The following PCDH15 variants were observed in gnomAD, a reference collection of about 807,000 sequenced individuals.
The protein encoded by PCDH15 is protocadherin related 15, also known as protocadherin-15.
Under a neutral mutation model 178.5 loss-of-function variants are expected in PCDH15, and 129 were observed. The ratio of observed to expected loss-of-function variants is 0.72; its 90% CI spans 0.63 to 0.84. The LOEUF is 0.84. PCDH15 is among the 40% of genes least tolerant of loss of function. PCDH15 has a pLI of 0.00. For synonymous variants in PCDH15, 800 were observed against 732.0 expected, an observed-to-expected ratio of 1.09 and a Z score of -1.50; for missense variants, 2,230 against 2,099.9, an observed-to-expected ratio of 1.06 and a Z score of -1.21.
At chr10:54,314,396 T>C (rs1293539753) in intron 8 of PCDH15, among the ~76,000 whole-genome samples, 1 of 152,034 alleles carries the variant, frequency 6.6e-6, no homozygotes, top group Non-Finnish European at 1.5e-5. Flanking sequence ...CTTGTAGAAA[T>C]TTTAAAAGAT....
At chr10:54,665,849 A>G (rs2094562538) in intron 1 of PCDH15, among the ~76,000 whole-genome samples, 1 of 152,058 alleles carries the variant, frequency 6.6e-6, no homozygotes, top group Non-Finnish European at 1.5e-5. Context: ...AGAGCTCATT[A>G]TTAGATGCCA....
At position 53,990,731 on chromosome 10, in the gene PCDH15, C is replaced by T. The variant is rs372634701; in HGVS notation, c.2868+4918G>A. On this transcript the variant is annotated intron_variant, in intron 21 of 37. Coordinates refer to ENST00000644397, the MANE Select transcript of PCDH15 (RefSeq NM_001384140.1). ...GCCACACTTGAGGAGCCCCTTCAGC[C>T]CACCGCTGCACTGTGGGAGCCCCTC... Among the ~76,000 whole-genome samples the T allele has an allele frequency of 7.9e-5, 12 of 152,150 alleles. No individual in the cohort carries two copies. In the East Asian group the frequency reaches 2.1e-3, roughly 27 times the overall value.
At chr10:55,592,985 T>C (rs1306461424) in intron 2 of PCDH15, among the ~76,000 whole-genome samples, 3 of 152,078 alleles carry the variant, frequency 2.0e-5, no homozygotes, top group Non-Finnish European at 2.9e-5. Context: ...AAGTGTATTC[T>C]AAAGAAATAA....
chr10:54,726,854 G>GA (rs905124202), intron 1 of PCDH15, among the ~76,000 whole-genome samples: 247 of 144,042 alleles, frequency 1.7e-3, no homozygotes, highest in Admixed American at 2.5e-3. Flanking sequence ...TTAAAAAGAA[G>GA]AAAAAAAAAA....
At position 55,526,230 on chromosome 10, in the gene PCDH15, C is replaced by G. The variant is rs533101771; in HGVS notation, c.-156+101395G>C. ...TAAGCATTGACTTATAATAGATAAT[C>G]AACACAATTCTATTTTTTTCATTTC... is the stretch of plus-strand genomic sequence containing the variant. On this transcript the variant is annotated intron_variant, in intron 2 of 5. Coordinates refer to the PCDH15 transcript ENST00000613346. Among the ~76,000 whole-genome samples, 7 of 151,932 alleles carry G rather than the reference C, an allele frequency of 4.6e-5. No homozygotes were observed. In the South Asian group the frequency reaches 1.5e-3, roughly 32 times the overall value.
intron 2 of PCDH15, among the ~76,000 whole-genome samples, chr10:54,909,785 C>A (rs1954788468): frequency 6.6e-6 from 1 of 152,082 alleles, no homozygotes; most frequent in Admixed American, 6.6e-5. Context: ...TGGAGCGCAG[C>A]ACCACCTCGG....
chr10:54,744,596 G>A (rs1331857481), intron 1 of PCDH15, among the ~76,000 whole-genome samples: 1 of 151,930 alleles, frequency 6.6e-6, no homozygotes, highest in Non-Finnish European at 1.5e-5. Flanking sequence ...TTAGAGTATC[G>A]CTGAAATCTG....
chr10:55,021,444 T>C (rs1201909331), intron 2 of PCDH15, among the ~76,000 whole-genome samples: 1 of 152,160 alleles, frequency 6.6e-6, no homozygotes, highest in Non-Finnish European at 1.5e-5. Context: ...GAGGAGCAAG[T>C]CACTATGGTA....
intron 8 of PCDH15, among the ~76,000 whole-genome samples, chr10:54,249,457 T>C (rs1047043707): frequency 3.9e-5 from 6 of 152,212 alleles, no homozygotes; most frequent in Non-Finnish European, 7.4e-5. Context: ...ACTAGCATAA[T>C]TTACTTGATA....
At chr10:54,555,560 T>C (rs1467324022) in intron 2 of PCDH15, among the ~76,000 whole-genome samples, 6 of 137,350 alleles carry the variant, frequency 4.4e-5, no homozygotes, top group Non-Finnish European at 7.9e-5. Context: ...TGAAACCCCC[T>C]CTCTACTAAA....
chr10:54,538,061 G>A (rs1007563967), intron 2 of PCDH15, among the ~76,000 whole-genome samples: 1 of 152,112 alleles, frequency 6.6e-6, no homozygotes, highest in African/African-American at 2.4e-5. Flanking sequence ...CCATTGTGTA[G>A]GTTGTATTTT....
At chr10:54,493,678 G>A (rs573206079) in intron 3 of PCDH15, among the ~76,000 whole-genome samples, 105 of 151,912 alleles carry the variant, frequency 6.9e-4, no homozygotes, top group African/African-American at 2.0e-3. Flanking sequence ...AGTCAGTGTG[G>A]CGATTCCTCA....
chr10:54,346,374 T>A lies in PCDH15; in HGVS notation c.585A>T (p.Pro195=). 2 of 1,613,140 alleles carry A rather than the reference T, an allele frequency of 1.2e-6. No homozygotes were observed. The highest frequency in any genetic ancestry group is 1.1e-5 in the South Asian group (1 of 91,056). The part of the protein sequence containing the change: ...GQIEYVIQYN[P]DDPTSNDTFE... ...ATAGGTATTTACATACCGGATCATCTGGATTATACTGAATAACATACTCTA... is the reference window on the plus strand; with the variant it reads ...ATAGGTATTTACATACCGGATCATCAGGATTATACTGAATAACATACTCTA... The change falls in exon 6 of 38, where the codon CCA becomes CCT. Residue 195 remains proline (P), a synonymous_variant. Transcript: ENST00000644397.
chr10:55,396,024 T>C (rs1194881053), intron 2 of PCDH15, among the ~76,000 whole-genome samples: 1 of 151,978 alleles, frequency 6.6e-6, no homozygotes, highest in Non-Finnish European at 1.5e-5. Flanking sequence ...TAATACAATT[T>C]TACAAAAAAA....
intron 26 of PCDH15, among the ~76,000 whole-genome samples, chr10:53,895,394 C>T (rs939880647): frequency 6.6e-6 from 1 of 152,170 alleles, no homozygotes; most frequent in African/African-American, 2.4e-5. Context: ...TGCTTTTTCA[C>T]AATATTATTT....
intron 21 of PCDH15, among the ~76,000 whole-genome samples, chr10:53,972,442 T>C (rs570065481): frequency 8.5e-5 from 13 of 152,172 alleles, no homozygotes; most frequent in Non-Finnish European, 1.5e-4. Context: ...ACAAATTGGA[T>C]CTAATTAAAC....
At position 55,388,237 on chromosome 10, in the gene PCDH15, C is replaced by T. The variant is rs554518548; in HGVS notation, c.-155-221586G>A. On this transcript the variant is annotated intron_variant, in intron 2 of 5. Transcript: ENST00000613346. ...AAATTCCTATAAATTGGGACTTCTT[C>T]CCCATATGTTTAACATTATTTTTAA... Among the ~76,000 whole-genome samples the T allele has an allele frequency of 2.8e-4, 42 of 152,122 alleles. 1 individual carries two copies. In the East Asian group the frequency reaches 8.1e-3, roughly 29 times the overall value.
chr10:54,055,728 T>C (rs868210331), intron 18 of PCDH15, among the ~76,000 whole-genome samples: 1 of 152,186 alleles, frequency 6.6e-6, no homozygotes, highest in African/African-American at 2.4e-5. Flanking sequence ...GCATATAGTG[T>C]GATAAGTGTG....
intron 8 of PCDH15, among the ~76,000 whole-genome samples, chr10:54,256,294 C>G (rs1424488626): frequency 6.6e-6 from 1 of 152,138 alleles, no homozygotes; most frequent in Non-Finnish European, 1.5e-5. Context: ...GATCTGATGA[C>G]TAACAAAGCA....
Sources: allele counts gnomAD v4.1 joint callset (sites outside exome capture counted in the v4.1 genomes callset), GRCh38; gene constraint gnomAD v4.1.1; transcripts MANE v1.5; gene names NCBI Gene and HGNC (gene_info 2026-07-23, HGNC 2026-07-21).